Variants in FECH observed in about 807,000 individuals in gnomAD.
FECH encodes ferrochelatase, mitochondrial.
Under a neutral mutation model 56.9 loss-of-function variants are expected in FECH, and 40 were observed. The observed-to-expected ratio is 0.70, with a 90% CI of 0.55 to 0.92. FECH has a LOEUF of 0.92. Among genes scored for constraint, FECH ranks in the 40% least tolerant of loss-of-function variants. FECH has a pLI of 0.00. For synonymous variants in FECH, 175 were observed against 198.6 expected, an observed-to-expected ratio of 0.88 and a Z score of 1.00; for missense variants, 431 against 529.1, an observed-to-expected ratio of 0.81 and a Z score of 1.82.
rs2050730786 is a variant in FECH at position 57,547,117 on chromosome 18, G to A, written c.*3595C>T. Among the ~76,000 whole-genome samples, 1 of 152,024 alleles carries A rather than the reference G, an allele frequency of 6.6e-6. No homozygotes were observed. The highest frequency in any genetic ancestry group is 2.1e-4 in the South Asian group (1 of 4,814). On this transcript the variant is annotated 3_prime_UTR_variant, in exon 11 of 11. Coordinates refer to ENST00000262093, the MANE Select transcript of FECH (RefSeq NM_000140.5). Reference sequence around the variant, plus strand: ...AATGTCTGTACTCCCATTGTATCTTGGAAGTCACTAACTTGCTTTTAATGT... The same window carrying A: ...AATGTCTGTACTCCCATTGTATCTTAGAAGTCACTAACTTGCTTTTAATGT...
intron 4 of FECH, 33 bp from the exon 5 acceptor site, chr18:57,566,614 G>A: frequency 2.5e-6 from 4 of 1,612,646 alleles, no homozygotes; most frequent in Non-Finnish European, 3.4e-6. Context: ...AGGAGAAAGT[G>A]TTAATCCTTA....
intron 2 of FECH, among the ~76,000 whole-genome samples, chr18:57,576,571 C>T (rs1293735151): frequency 6.6e-6 from 1 of 152,134 alleles, no homozygotes; most frequent in African/African-American, 2.4e-5. Context: ...CTTACCTAAG[C>T]CACAGACGGT....
chr18:57,554,044 G>A (rs976344204), intron 9 of FECH, among the ~76,000 whole-genome samples: 23 of 152,182 alleles, frequency 1.5e-4, no homozygotes, highest in African/African-American at 5.6e-4. Flanking sequence ...GGGGCACCTG[G>A]TTTAAGGAAA....
intron 1 of FECH, 143 bp from the exon 2 acceptor site, chr18:57,580,342 G>C: frequency 8.3e-7 from 1 of 1,207,182 alleles, no homozygotes; most frequent in South Asian, 1.3e-5. Flanking sequence ...TCTGCAGGCA[G>C]GTAAAGGAAC....
At chr18:57,570,767 T>TTAATACAGCATTTTTACTTCATCCATGCA (rs2051094050) in intron 4 of FECH, among the ~76,000 whole-genome samples, 1 of 152,240 alleles carries the variant, frequency 6.6e-6, no homozygotes, top group Non-Finnish European at 1.5e-5. Context: ...TTCGATGTGT[T>TTAATACAGCATTTTTACTTCATCCATGCA]TAATACAGCA....
intron 7 of FECH, among the ~76,000 whole-genome samples, chr18:57,556,747 C>CA (rs2050872296): frequency 6.6e-6 from 1 of 151,522 alleles, no homozygotes. Flanking sequence ...CCTGTCTCTT[C>CA]AAAAAATACA....
rs1000779711 is a variant in FECH at position 57,544,849 on chromosome 18, G to C, written c.*5863C>G. Among the ~76,000 whole-genome samples the C allele has an allele frequency of 6.6e-6, 1 of 152,164 alleles. No individual in the cohort carries two copies. Among genetic ancestry groups the C allele is most frequent in the Non-Finnish European group, 1.5e-5 (1 of 68,022 alleles). The stretch of plus-strand genomic sequence containing the variant: ...AAATAATTAGAAAGTAATGAATTTA[G>C]AATGTTACCTTTGTTTTTAATATAA... On this transcript the variant is annotated 3_prime_UTR_variant, in exon 11 of 11. Transcript: ENST00000262093.
intron 2 of FECH, among the ~76,000 whole-genome samples, chr18:57,574,817 T>G (rs1177790123): frequency 6.6e-6 from 1 of 152,256 alleles, no homozygotes; most frequent in African/African-American, 2.4e-5. Context: ...TTCATCTTTT[T>G]TTCATATTTA....
intron 5 of FECH, among the ~76,000 whole-genome samples, chr18:57,564,331 C>T (rs1051870178): frequency 1.3e-5 from 2 of 152,130 alleles, no homozygotes; most frequent in African/African-American, 4.8e-5. Context: ...ATCATGAAAA[C>T]TCAAAGCCTA....
intron 3 of FECH, 193 bp from the exon 4 acceptor site, chr18:57,571,733 C>A (rs780433162): frequency 9.6e-5 from 66 of 690,770 alleles, no homozygotes; most frequent in Non-Finnish European, 1.5e-4. Context: ...AAGCTATACC[C>A]TCTCTGAGGA....
intron 2 of FECH, among the ~76,000 whole-genome samples, chr18:57,579,240 T>G (rs1462430479): frequency 1.0e-5 from 1 of 98,372 alleles, no homozygotes; most frequent in Non-Finnish European, 2.3e-5. Context: ...AGAGTGAGAC[T>G]CTCTCAAAAA....
intron 3 of FECH, 75 bp from the exon 4 acceptor site, chr18:57,571,615 A>G: frequency 1.9e-6 from 3 of 1,610,132 alleles, no homozygotes; most frequent in Non-Finnish European, 2.5e-6. Flanking sequence ...TACTCAATAA[A>G]AAAGAAAAAA....
intron 5 of FECH, 93 bp downstream of exon 5, chr18:57,566,354 C>A: frequency 6.4e-7 from 1 of 1,570,400 alleles, no homozygotes; most frequent in Non-Finnish European, 8.8e-7. Flanking sequence ...ATTCAAATTG[C>A]AAATAATTCA....
intron 2 of FECH, among the ~76,000 whole-genome samples, chr18:57,575,896 C>T (rs754274555): frequency 7.9e-5 from 12 of 152,112 alleles, no homozygotes; most frequent in South Asian, 4.1e-4. Context: ...TTTCAGAATA[C>T]GAATCAATTC....
At position 57,550,531 on chromosome 18, in the gene FECH, A is replaced by G; in HGVS notation, c.*181T>C. 1 of 652,030 alleles carries G rather than the reference A, an allele frequency of 1.5e-6. No individual in the cohort carries two copies. The highest frequency in any genetic ancestry group is 2.6e-6 in the Non-Finnish European group (1 of 387,802). The allele number at this position is 652,030 out of a possible 1,614,324, so 40.4% of individuals were successfully genotyped here. ...ATACAAATGCTTACTGTATAGTTAT[A>G]TAAAAATAGAAATCCATCAAGAGTC... On this transcript the variant is annotated 3_prime_UTR_variant, in exon 11 of 11. Coordinates refer to ENST00000262093, the MANE Select transcript of FECH (RefSeq NM_000140.5).
At chr18:57,559,523 C>G (rs1049167578) in intron 6 of FECH, among the ~76,000 whole-genome samples, 1 of 152,064 alleles carries the variant, frequency 6.6e-6, no homozygotes, top group Non-Finnish European at 1.5e-5. Flanking sequence ...TGCTTCCCCT[C>G]GGGAAGGACA....
In FECH at chr18:57,550,381, G is replaced by A. The variant is rs1598975356; in HGVS notation, c.*331C>T. 3 of 309,150 alleles carry A rather than the reference G, an allele frequency of 9.7e-6. No individual in the cohort carries two copies. In the East Asian group the frequency reaches 2.3e-4, roughly 24 times the overall value. 19.2% of individuals were successfully genotyped at this position (309,150 alleles called of 1,614,324 possible). A position where few individuals can be genotyped will look rare whatever the true frequency, so the allele number is the denominator to read the frequency against. ...GGGACTCTCCGTACCCTTTCAGGAG[G>A]GTTTTGGGCAATAAAGCCAAAATCT... On this transcript the variant is annotated 3_prime_UTR_variant, in exon 11 of 11. Coordinates refer to ENST00000262093, the MANE Select transcript of FECH (RefSeq NM_000140.5).
chr18:57,567,482 C>T (rs2051034138), intron 4 of FECH, among the ~76,000 whole-genome samples: 1 of 152,216 alleles, frequency 6.6e-6, no homozygotes. Flanking sequence ...CATAAAACTA[C>T]AAGTTTCCTA....
intron 5 of FECH, among the ~76,000 whole-genome samples, 173 bp from the exon 6 acceptor site, chr18:57,563,153 A>C (rs892130917): frequency 1.3e-5 from 2 of 152,258 alleles, no homozygotes; most frequent in Admixed American, 6.5e-5. Flanking sequence ...ACTACCCTGC[A>C]AATGAAGATC....
Sources: allele counts gnomAD v4.1 joint callset (sites outside exome capture counted in the v4.1 genomes callset), GRCh38; gene constraint gnomAD v4.1.1; transcripts MANE v1.5; gene names NCBI Gene and HGNC (gene_info 2026-07-23, HGNC 2026-07-21).